Variants in HTR4 observed in about 807,000 individuals in gnomAD.
The protein encoded by HTR4 is 5-hydroxytryptamine (serotonin) receptor 4, G protein-coupled.
In HTR4, 16 loss-of-function variants were observed where a neutral mutation model predicts 36.8. That is an observed-to-expected ratio of 0.43 (90% CI 0.29 to 0.66). The LOEUF (loss-of-function observed/expected upper bound fraction) is 0.66, where lower values mean the gene tolerates loss of function less well. Among genes scored for constraint, HTR4 ranks in the 30% least tolerant of loss-of-function variants. HTR4 has a pLI of 0.13. For synonymous variants in HTR4, 189 were observed against 185.1 expected (o/e 1.02, Z -0.17); for missense variants, 438 against 490.9 (o/e 0.89, Z 1.02).
At chr5:148,485,742 A>AG (rs1158083678) in intron 6 of HTR4, among the ~76,000 whole-genome samples, 1 of 152,232 alleles carries the variant, frequency 6.6e-6, no homozygotes, top group Non-Finnish European at 1.5e-5. Context: ...GAAGACAAAG[A>AG]GAGGGGCCAC....
At chr5:148,630,303 G>A (rs568170740) in intron 2 of HTR4, 11 of 152,314 alleles carry the variant, frequency 7.2e-5, no homozygotes, top group African/African-American at 2.6e-4. Flanking sequence ...ATATAAAGGA[G>A]AGCTGGCTGT....
intron 6 of HTR4, chr5:148,484,243 C>CAG: frequency 6.2e-7 from 1 of 1,608,594 alleles, no homozygotes; most frequent in Non-Finnish European, 8.5e-7. Flanking sequence ...CAAGATAAAA[C>CAG]AGAGAATCAT....
intron 1 of HTR4, among the ~76,000 whole-genome samples, chr5:148,644,040 T>C (rs1487124230): frequency 6.6e-6 from 1 of 152,126 alleles, no homozygotes; most frequent in Non-Finnish European, 1.5e-5. Flanking sequence ...CTTGTAAAAA[T>C]GAAAAGCCTG....
intron 5 of HTR4, among the ~76,000 whole-genome samples, chr5:148,455,511 A>G (rs993264786): frequency 2.6e-5 from 4 of 152,172 alleles, no homozygotes; most frequent in Non-Finnish European, 5.9e-5. Context: ...TAACTAGAAA[A>G]GAAGTGTGGG....
chr5:148,598,406 G>A (rs938225837), intron 2 of HTR4, among the ~76,000 whole-genome samples: 4 of 152,040 alleles, frequency 2.6e-5, no homozygotes, highest in African/African-American at 4.8e-5. Flanking sequence ...TTAGCCAGGT[G>A]TGATGGCACA....
intron 4 of HTR4, among the ~76,000 whole-genome samples, chr5:148,541,484 C>T (rs539148596): frequency 2.0e-5 from 3 of 152,262 alleles, no homozygotes; most frequent in East Asian, 1.9e-4. Context: ...CTATTAACCA[C>T]GATGCTTTGA....
At chr5:148,536,245 A>G (rs193092447) in intron 4 of HTR4, among the ~76,000 whole-genome samples, 112 of 152,280 alleles carry the variant, frequency 7.4e-4, no homozygotes, top group African/African-American at 2.6e-3. Context: ...AGCACTAAAT[A>G]TAGAAAGGAA....
At chr5:148,494,636 G>T (rs1446972598) in intron 6 of HTR4, among the ~76,000 whole-genome samples, 1 of 152,246 alleles carries the variant, frequency 6.6e-6, no homozygotes, top group African/African-American at 2.4e-5. Context: ...GATAACAAGA[G>T]TTAGTGAGTC....
rs568506021 is a variant in HTR4 at position 148,453,027 on chromosome 5, G to T, written c.1077-1755C>A. 6.6e-5 allele frequency among the ~76,000 whole-genome samples: 10 copies of T among 152,338 alleles called. No homozygotes were observed. In the East Asian group the frequency reaches 1.9e-3, roughly 29 times the overall value. On this transcript the variant is annotated intron_variant, in intron 5 of 5. Coordinates refer to the HTR4 transcript ENST00000521530. Reference sequence around the variant, plus strand: ...TCTTGTGCAGCTCCATGAACACAGGGTGTCACAGGGGAGTGGAAGCTGGAG... The same window carrying T: ...TCTTGTGCAGCTCCATGAACACAGGTTGTCACAGGGGAGTGGAAGCTGGAG...
chr5:148,597,067 C>G (rs745329306), intron 2 of HTR4, among the ~76,000 whole-genome samples: 14 of 152,156 alleles, frequency 9.2e-5, no homozygotes, highest in African/African-American at 2.4e-4. Context: ...CTACCCACCC[C>G]CTGAAGCCCA....
chr5:148,461,131 T>C (rs995973963), intron 5 of HTR4, among the ~76,000 whole-genome samples: 5 of 151,958 alleles, frequency 3.3e-5, no homozygotes, highest in African/African-American at 1.2e-4. Flanking sequence ...GTTAAACTGA[T>C]ATGATAGAAA....
chr5:148,625,910 G>A (rs1405675515), intron 2 of HTR4, among the ~76,000 whole-genome samples: 5 of 150,384 alleles, frequency 3.3e-5, no homozygotes, highest in Non-Finnish European at 7.4e-5. Context: ...GAAGTGGATC[G>A]AACCCTTTTG....
chr5:148,623,752 C>T (rs758890706), intron 2 of HTR4, among the ~76,000 whole-genome samples: 13 of 152,108 alleles, frequency 8.5e-5, no homozygotes, highest in Non-Finnish European at 1.5e-4. Flanking sequence ...TGTTCCCGTG[C>T]TAACGTTCTA....
intron 6 of HTR4, among the ~76,000 whole-genome samples, chr5:148,506,407 A>G (rs913490602): frequency 2.6e-5 from 4 of 152,196 alleles, no homozygotes; most frequent in Non-Finnish European, 5.9e-5. Flanking sequence ...TCAGACCTAA[A>G]ACCATAAAAA....
chr5:148,537,817 T>C (rs1398394236), intron 4 of HTR4, among the ~76,000 whole-genome samples: 1 of 152,140 alleles, frequency 6.6e-6, no homozygotes, highest in African/African-American at 2.4e-5. Flanking sequence ...AAAGAATACC[T>C]GGTACCATTC....
chr5:148,517,876 T>C (rs555331604), intron 5 of HTR4, among the ~76,000 whole-genome samples: 3 of 152,242 alleles, frequency 2.0e-5, no homozygotes, highest in Non-Finnish European at 4.4e-5. Flanking sequence ...TTCCTCATAG[T>C]AAAAGTCAAT....
intron 2 of HTR4, among the ~76,000 whole-genome samples, chr5:148,610,739 AG>A (rs1480299479): frequency 6.7e-6 from 1 of 149,980 alleles, no homozygotes; most frequent in Non-Finnish European, 1.5e-5. Context: ...GAGCTACGGG[AG>A]GACATTCAAA....
At position 148,519,826 on chromosome 5, in the gene HTR4, A is replaced by G. The variant is rs555135813; in HGVS notation, c.507+3367T>C. ...TTGTGTGCTTTTTGATGGTGATTTC[A>G]TGGTTTAAAATGGACCCTAAGTGTA... On this transcript the variant is annotated intron_variant, in intron 5 of 6. Transcript: ENST00000377888. 2.0e-5 allele frequency among the ~76,000 whole-genome samples: 3 copies of G among 152,220 alleles called. No homozygotes were observed. The East Asian group carries it at 5.8e-4, about 29-fold the overall frequency.
intron 2 of HTR4, among the ~76,000 whole-genome samples, chr5:148,595,093 T>C (rs975056342): frequency 4.6e-5 from 7 of 152,020 alleles, no homozygotes; most frequent in African/African-American, 7.2e-5. Context: ...TTTTTTTTTT[T>C]TAACCAAATG....
Sources: gnomAD v4.1 joint callset for allele counts (sites outside exome capture counted in the v4.1 genomes callset) on GRCh38, gnomAD v4.1.1 for gene constraint, MANE v1.5 for transcripts, NCBI Gene and HGNC (gene_info 2026-07-23, HGNC 2026-07-21) for gene names.